AR: variants seen among roughly 807,000 people sequenced by gnomAD.
AR encodes dihydrotestosterone receptor.
A neutral mutation model predicts 53.9 loss-of-function variants in AR; 8 were observed. The observed-to-expected ratio is 0.15, with a 90% CI of 0.09 to 0.27. The LOEUF is 0.27. Among genes scored for constraint, AR ranks in the 10% least tolerant of loss-of-function variants. AR has a pLI of 1.00. For missense variants in AR, 639 were observed against 742.5 expected (o/e 0.86, Z 1.62); for synonymous variants, 359 against 316.4 (o/e 1.13, Z -1.43).
At chrX:67,654,538 T>G (rs769565354) in intron 2 of AR, among the ~76,000 whole-genome samples, 81 of 110,541 alleles carry the variant, frequency 7.3e-4, no homozygotes, top group African/African-American at 2.6e-3. Flanking sequence ...TCTCTTGACT[T>G]CCAGACTTTG....
intron 1 of AR, among the ~76,000 whole-genome samples, chrX:67,642,010 A>T (rs1925802074): frequency 9.0e-6 from 1 of 111,080 alleles, no homozygotes; most frequent in Non-Finnish European, 1.9e-5. Flanking sequence ...CCCCTCTCCA[A>T]GTCTTAACGT....
chrX:67,545,608 C>G lies in AR; in HGVS notation c.462C>G (p.Asp154Glu), dbSNP rs140987594. The G allele has an allele frequency of 3.4e-6, 4 of 1,186,798 alleles. No homozygotes were observed. Among genetic ancestry groups the G allele is most frequent in the Non-Finnish European group, 4.5e-6 (4 of 883,570 alleles). The change falls in exon 1 of 8, where the codon GAC becomes GAG. Residue 154 changes from aspartate to glutamate, a missense_variant. Transcript: ENST00000374690. ...GLPQQLPAPPDEDDSAAPSTL... is the reference protein window; with the variant it reads ...GLPQQLPAPPEEDDSAAPSTL... ...CGCAGCAGCTGCCAGCACCTCCGGACGAGGATGACTCAGCTGCCCCATCCA... is the reference window on the plus strand; with the variant it reads ...CGCAGCAGCTGCCAGCACCTCCGGAGGAGGATGACTCAGCTGCCCCATCCA...
At chrX:67,693,595 T>G (rs1258952763) in intron 3 of AR, among the ~76,000 whole-genome samples, 2 of 112,058 alleles carry the variant, frequency 1.8e-5, no homozygotes, top group Non-Finnish European at 3.8e-5. Flanking sequence ...AAGCTGCTTT[T>G]TGGAGACATT....
intron 2 of AR, among the ~76,000 whole-genome samples, chrX:67,664,252 T>C (rs1225455323): frequency 8.9e-6 from 1 of 111,809 alleles, no homozygotes; most frequent in African/African-American, 3.3e-5. Context: ...TTTGTGGTTT[T>C]ATCTCCCTTT....
intron 1 of AR, 112 bp from the exon 2 acceptor site, chrX:67,643,143 CA>C (rs1441920988): frequency 2.2e-6 from 2 of 923,243 alleles, no homozygotes; most frequent in Admixed American, 2.3e-5. Context: ...CTAACTTGAG[CA>C]ATGAATAATA....
At chrX:67,629,885 T>C (rs1443876735) in intron 1 of AR, among the ~76,000 whole-genome samples, 1 of 111,398 alleles carries the variant, frequency 9.0e-6, no homozygotes, top group Non-Finnish European at 1.9e-5. Context: ...CTGCCTTCAT[T>C]TCGTTATGTA....
chrX:67,620,222 G>A (rs1485509188), intron 1 of AR, among the ~76,000 whole-genome samples: 1 of 110,075 alleles, frequency 9.1e-6, no homozygotes, highest in African/African-American at 3.3e-5. Flanking sequence ...TGTTTTCCCT[G>A]CCACAGACAA....
intron 1 of AR, among the ~76,000 whole-genome samples, chrX:67,612,491 G>A (rs1485682093): frequency 1.8e-5 from 2 of 111,975 alleles, no homozygotes; most frequent in South Asian, 3.7e-4. Context: ...CTGTTTCCCC[G>A]TGTGGGGCAA....
intron 1 of AR, among the ~76,000 whole-genome samples, chrX:67,590,268 A>T (rs1811282172): frequency 9.0e-6 from 1 of 111,525 alleles, no homozygotes; most frequent in South Asian, 3.8e-4. Context: ...GAAATAACTT[A>T]GATCTCAGAG....
intron 2 of AR, among the ~76,000 whole-genome samples, chrX:67,674,495 G>A (rs1416559715): frequency 2.7e-5 from 3 of 111,239 alleles, no homozygotes; most frequent in African/African-American, 9.8e-5. Context: ...TGACTGAGCT[G>A]GCACCCAATC....
At chrX:67,562,454 C>A (rs1044999695) in intron 1 of AR, among the ~76,000 whole-genome samples, 3 of 109,662 alleles carry the variant, frequency 2.7e-5, no homozygotes, top group Admixed American at 9.8e-5. Flanking sequence ...CAGATTTCCA[C>A]CATAGGGAAT....
rs1251802637 is a variant in AR, at chrX:67,643,476, T to A, written c.1768+69T>A. 28 of 1,120,202 alleles carry A rather than the reference T, an allele frequency of 2.5e-5. No homozygotes were observed. The East Asian group carries it at 8.4e-4, about 34-fold the overall frequency. 92.3% of individuals were successfully genotyped at this position (1,120,202 alleles called of 1,213,427 possible). A position where few individuals can be genotyped will look rare whatever the true frequency, so the allele number is the denominator to read the frequency against. ...ACCTTCCAGAGAGAGACACTAACCT[T>A]TCAGGGCCCAGGATTTTATCATCTC... On this transcript the variant is annotated intron_variant, in intron 2 of 7. Coordinates refer to ENST00000374690, the MANE Select transcript of AR (RefSeq NM_000044.6).
At chrX:67,549,774 G>C in intron 1 of AR, among the ~76,000 whole-genome samples, 1 of 112,193 alleles carries the variant, frequency 8.9e-6, no homozygotes, top group South Asian at 3.7e-4. Flanking sequence ...TTGGTAATTT[G>C]TTCTGGTCTC....
chrX:67,659,210 C>A (rs1301679435), intron 2 of AR, among the ~76,000 whole-genome samples: 1 of 110,205 alleles, frequency 9.1e-6, no homozygotes, highest in African/African-American at 3.3e-5. Context: ...CATTGAGACT[C>A]AATTTCTCTT....
chrX:67,692,718 A>G (rs1438536846), intron 3 of AR, among the ~76,000 whole-genome samples: 1 of 111,813 alleles, frequency 8.9e-6, no homozygotes, highest in Non-Finnish European at 1.9e-5. Context: ...TAGGCACACA[A>G]TCAATGTCAC....
intron 3 of AR, among the ~76,000 whole-genome samples, chrX:67,701,374 G>T (rs1375851670): frequency 1.8e-5 from 2 of 110,442 alleles, no homozygotes; most frequent in Non-Finnish European, 3.8e-5. Flanking sequence ...GTAACATAGG[G>T]AATTCTGGAT....
At chrX:67,551,192 A>G (rs1929984273) in intron 1 of AR, among the ~76,000 whole-genome samples, 1 of 109,146 alleles carries the variant, frequency 9.2e-6, no homozygotes, top group Non-Finnish European at 1.9e-5. Context: ...AGAGCCTGAG[A>G]GACAGCTCTG....
At chrX:67,676,054 G>A (rs939781898) in intron 2 of AR, among the ~76,000 whole-genome samples, 4 of 111,999 alleles carry the variant, frequency 3.6e-5, no homozygotes, top group African/African-American at 1.3e-4. Flanking sequence ...AAAGATCAAA[G>A]GTGATAATGC....
intron 1 of AR, among the ~76,000 whole-genome samples, chrX:67,572,635 G>A (rs1036007220): frequency 9.0e-5 from 10 of 111,159 alleles, no homozygotes; most frequent in South Asian, 3.7e-4. Context: ...AGTTTATAGT[G>A]ATTTTCTATG....
Sources: allele counts gnomAD v4.1 joint callset (sites outside exome capture counted in the v4.1 genomes callset), GRCh38; gene constraint gnomAD v4.1.1; transcripts MANE v1.5; gene names NCBI Gene and HGNC (gene_info 2026-07-23, HGNC 2026-07-21).